The following RBBP8 variants were observed in gnomAD, a reference collection of about 807,000 sequenced individuals.
RBBP8 encodes DNA endonuclease RBBP8.
In RBBP8, 88 loss-of-function variants were observed where a neutral mutation model predicts 108.3. The observed-to-expected ratio is 0.81, with a 90% CI of 0.68 to 0.97. The LOEUF (loss-of-function observed/expected upper bound fraction) is 0.97, where lower values mean the gene tolerates loss of function less well. RBBP8 is among the 50% of genes least tolerant of loss of function. The pLI is 0.00. For synonymous variants in RBBP8, 332 were observed against 348.2 expected (o/e 0.95, Z 0.52); for missense variants, 1,023 against 1,049.0 (o/e 0.98, Z 0.34).
intron 3 of RBBP8, among the ~76,000 whole-genome samples, chr18:22,926,474 C>T (rs746428676): frequency 6.6e-6 from 1 of 152,068 alleles, no homozygotes; most frequent in Non-Finnish European, 1.5e-5. Context: ...AACAGATCAA[C>T]AACGTTCTTC....
chr18:22,981,566 GT>G (rs769432226), intron 6 of RBBP8, among the ~76,000 whole-genome samples: 3 of 152,182 alleles, frequency 2.0e-5, no homozygotes, highest in Non-Finnish European at 4.4e-5. Flanking sequence ...GCCGGGCAGT[GT>G]AAACACATAA....
Position 22,915,675 on chromosome 18 carries a change from A to G in RBBP8, c.-240+190A>G, listed in dbSNP as rs1242074436. On this transcript the variant is annotated intron_variant, in intron 2 of 4. Transcript: ENST00000577588. ...CCTAGTTTTCAGGTAATATATATAT[A>G]CCAATAGAGCACATTGTTAGTATTT... 2.6e-5 allele frequency among the ~76,000 whole-genome samples: 4 copies of G among 152,264 alleles called. No individual in the cohort carries two copies. In the South Asian group the frequency reaches 8.3e-4, roughly 32 times the overall value.
In RBBP8 at chr18:22,996,491, T is replaced by C. The variant is rs762518689; in HGVS notation, c.2028+29T>C. On this transcript the variant is annotated intron_variant, in intron 13 of 18. Transcript: ENST00000327155. ...AGTTAAAAAGTAAAACCAAAACTCA[T>C]TTGACTTTTATTCCAATGAGTTGTT... 8.7e-6 allele frequency: 14 copies of C among 1,609,896 alleles called. No individual in the cohort carries two copies. In the South Asian group the frequency reaches 1.5e-4, roughly 18 times the overall value.
chr18:23,015,817 C>A (rs1357552008), intron 16 of RBBP8, among the ~76,000 whole-genome samples: 4 of 152,168 alleles, frequency 2.6e-5, no homozygotes, highest in Non-Finnish European at 1.5e-5. Context: ...CTCTATGTGT[C>A]TGTTTTTATG....
chr18:22,922,636 T>C (rs994108613), intron 3 of RBBP8, among the ~76,000 whole-genome samples: 21 of 152,078 alleles, frequency 1.4e-4, no homozygotes, highest in Admixed American at 1.4e-3. Flanking sequence ...CTAATTTTTA[T>C]GTATTTTCTG....
intron 15 of RBBP8, among the ~76,000 whole-genome samples, chr18:23,004,301 A>G (rs1271778738): frequency 2.0e-5 from 3 of 152,120 alleles, no homozygotes; most frequent in Non-Finnish European, 4.4e-5. Flanking sequence ...ACACACACAT[A>G]TACATAGACA....
In RBBP8 at chr18:22,969,798, T is replaced by C. The variant is rs1437249063; in HGVS notation, c.361+880T>C. Among the ~76,000 whole-genome samples, 8 of 152,222 alleles carry C rather than the reference T, an allele frequency of 5.3e-5. No homozygotes were observed. In the East Asian group the frequency reaches 1.5e-3, roughly 29 times the overall value. ...TCATACCATACTTTGTGTTCTAATG[T>C]GTTACTTCACTTTAGACTATGTCTT... On this transcript the variant is annotated intron_variant, in intron 5 of 18. Transcript: ENST00000327155.
At chr18:22,935,569 C>T (rs1598632054) in intron 1 of RBBP8, among the ~76,000 whole-genome samples, 1 of 152,224 alleles carries the variant, frequency 6.6e-6, no homozygotes, top group South Asian at 2.1e-4. Context: ...TTCACATATA[C>T]TCCTGCTCCC....
chr18:22,987,237 G>T (rs139874784), intron 8 of RBBP8, among the ~76,000 whole-genome samples: 82 of 152,194 alleles, frequency 5.4e-4, no homozygotes, highest in African/African-American at 1.9e-3. Flanking sequence ...GAGAGGGAAG[G>T]GGGAGGGAAG....
At chr18:23,004,282 T>TACAC (rs943777835) in intron 15 of RBBP8, among the ~76,000 whole-genome samples, 2 of 151,666 alleles carry the variant, frequency 1.3e-5, no homozygotes, top group African/African-American at 4.8e-5. Flanking sequence ...TATATATATA[T>TACAC]ATACACACAC....
intron 2 of RBBP8, among the ~76,000 whole-genome samples, chr18:22,942,042 G>A (rs957574961): frequency 6.6e-6 from 1 of 152,054 alleles, no homozygotes; most frequent in Admixed American, 6.5e-5. Context: ...TAACATCAAA[G>A]ACATGCCTGA....
chr18:22,938,730 TC>T, intron 2 of RBBP8, among the ~76,000 whole-genome samples: 1 of 152,234 alleles, frequency 6.6e-6, no homozygotes, highest in East Asian at 1.9e-4. Flanking sequence ...AATTTAATTT[TC>T]TTCTATAAAA....
At chr18:22,946,338 G>C in intron 2 of RBBP8, 106 bp from the exon 3 acceptor site, 1 of 1,488,538 alleles carries the variant, frequency 6.7e-7, no homozygotes, top group Non-Finnish European at 9.1e-7. Flanking sequence ...AAACTAATGA[G>C]ACCTGGTTTA....
chr18:23,006,974 T>C (rs1454139338), intron 16 of RBBP8, among the ~76,000 whole-genome samples: 2 of 151,958 alleles, frequency 1.3e-5, no homozygotes, highest in Non-Finnish European at 2.9e-5. Flanking sequence ...TAATAGTTAT[T>C]TTCTCTGCTT....
chr18:22,934,118 A>T (rs1039036291), intron 1 of RBBP8: 1 of 152,242 alleles, frequency 6.6e-6, no homozygotes, highest in African/African-American at 2.4e-5. Context: ...TAAGGAATAC[A>T]CACAAATTAC....
intron 5 of RBBP8, among the ~76,000 whole-genome samples, chr18:22,969,879 T>C (rs2144596940): frequency 6.6e-6 from 1 of 152,312 alleles, no homozygotes; most frequent in South Asian, 2.1e-4. Context: ...TGGGTGAACG[T>C]GTGCATACAT....
chr18:23,015,727 A>G (rs950692628), intron 16 of RBBP8, among the ~76,000 whole-genome samples: 8 of 152,152 alleles, frequency 5.3e-5, no homozygotes, highest in African/African-American at 1.9e-4. Flanking sequence ...CCTTTCCCCA[A>G]TGAAGGTGCG....
intron 16 of RBBP8, among the ~76,000 whole-genome samples, chr18:23,015,143 T>C (rs1215947572): frequency 1.3e-5 from 2 of 152,084 alleles, no homozygotes; most frequent in Non-Finnish European, 2.9e-5. Context: ...AGCAACCCTT[T>C]TGCCCCAGTC....
At chr18:22,948,173 G>A (rs944946353) in intron 3 of RBBP8, among the ~76,000 whole-genome samples, 2 of 151,952 alleles carry the variant, frequency 1.3e-5, no homozygotes, top group Non-Finnish European at 2.9e-5. Flanking sequence ...AATTTTCAAT[G>A]TAATATTTAC....
Sources: gnomAD v4.1 joint callset for allele counts (sites outside exome capture counted in the v4.1 genomes callset) on GRCh38, gnomAD v4.1.1 for gene constraint, MANE v1.5 for transcripts, NCBI Gene and HGNC (gene_info 2026-07-23, HGNC 2026-07-21) for gene names.